Variants in HS6ST3 observed in about 807,000 individuals in gnomAD.
The protein encoded by HS6ST3 is heparan-sulfate 6-O-sulfotransferase 3.
Under a neutral mutation model 36.7 loss-of-function variants are expected in HS6ST3, and 12 were observed. The observed-to-expected ratio is 0.33, with a 90% confidence interval of 0.21 to 0.53. The LOEUF (loss-of-function observed/expected upper bound fraction) is 0.53, where lower values mean the gene tolerates loss of function less well. Among genes scored for constraint, HS6ST3 ranks in the 20% least tolerant of loss-of-function variants. The probability of loss-of-function intolerance (pLI) is 0.95; values close to 1 mark genes in which losing one functional copy is unlikely to be tolerated. For synonymous variants in HS6ST3, 240 were observed against 257.5 expected, an observed-to-expected ratio of 0.93 and a Z score of 0.65; for missense variants, 584 against 640.9, an observed-to-expected ratio of 0.91 and a Z score of 0.96.
intron 1 of HS6ST3, among the ~76,000 whole-genome samples, chr13:96,731,978 T>TA (rs1329513082): frequency 6.6e-6 from 1 of 152,174 alleles, no homozygotes; most frequent in East Asian, 1.9e-4. Context: ...TTTGAAAAAC[T>TA]TCCATACTGC....
At chr13:96,491,379 G>A (rs1475032074) in intron 1 of HS6ST3, among the ~76,000 whole-genome samples, 2 of 151,618 alleles carry the variant, frequency 1.3e-5, no homozygotes, top group Non-Finnish European at 2.9e-5. Flanking sequence ...TAAAAGAGCA[G>A]GGAAAGTGAG....
At chr13:96,512,668 A>C (rs538700945) in intron 1 of HS6ST3, among the ~76,000 whole-genome samples, 2 of 152,194 alleles carry the variant, frequency 1.3e-5, no homozygotes, top group South Asian at 2.1e-4. Flanking sequence ...GTGGTTTATT[A>C]GTTATTTTTT....
At chr13:96,500,055 A>G (rs545996023) in intron 1 of HS6ST3, among the ~76,000 whole-genome samples, 2 of 152,240 alleles carry the variant, frequency 1.3e-5, no homozygotes, top group South Asian at 4.1e-4. Flanking sequence ...TGCACAAAGG[A>G]GCCGTATACT....
intron 1 of HS6ST3, among the ~76,000 whole-genome samples, chr13:96,600,390 CT>C (rs2056417267): frequency 6.6e-6 from 1 of 150,894 alleles, no homozygotes; most frequent in East Asian, 2.0e-4. Context: ...GCTATATCTT[CT>C]TGTTGAATTG....
intron 1 of HS6ST3, among the ~76,000 whole-genome samples, chr13:96,359,169 C>T (rs181340656): frequency 5.8e-4 from 89 of 152,200 alleles, no homozygotes; most frequent in Middle Eastern, 3.4e-3. Flanking sequence ...AGGCCTAACT[C>T]GGCAAGATGA....
chr13:96,621,055 C>G (rs1258816239), intron 1 of HS6ST3, among the ~76,000 whole-genome samples: 1 of 152,150 alleles, frequency 6.6e-6, no homozygotes, highest in Non-Finnish European at 1.5e-5. Flanking sequence ...TTCCTGGGAG[C>G]CGCAAGGGCT....
At chr13:96,094,913 T>C (rs2053782506) in intron 1 of HS6ST3, among the ~76,000 whole-genome samples, 1 of 152,222 alleles carries the variant, frequency 6.6e-6, no homozygotes, top group African/African-American at 2.4e-5. Flanking sequence ...CCATTCTTTC[T>C]CACTCTCTTT....
intron 1 of HS6ST3, among the ~76,000 whole-genome samples, chr13:96,595,873 A>T (rs1566406928): frequency 6.7e-6 from 1 of 150,242 alleles, no homozygotes; most frequent in Non-Finnish European, 1.5e-5. Flanking sequence ...TGTTTGATTT[A>T]AAAAAAATTC....
intron 1 of HS6ST3, among the ~76,000 whole-genome samples, chr13:96,144,321 T>C (rs1490420545): frequency 1.3e-5 from 2 of 152,182 alleles, no homozygotes; most frequent in African/African-American, 4.8e-5. Context: ...AAAAAATAGT[T>C]ATTAGAAATG....
At chr13:96,567,298 T>G (rs753055852) in intron 1 of HS6ST3, among the ~76,000 whole-genome samples, 2 of 152,180 alleles carry the variant, frequency 1.3e-5, no homozygotes, top group Non-Finnish European at 2.9e-5. Context: ...ATCACATCAC[T>G]GTAACATTCC....
chr13:96,199,205 GATTT>G (rs2054329468), intron 1 of HS6ST3, among the ~76,000 whole-genome samples: 2 of 152,208 alleles, frequency 1.3e-5, no homozygotes, highest in Non-Finnish European at 2.9e-5. Context: ...TTCAAGTTGA[GATTT>G]GAGTGGGGAC....
At chr13:96,367,163 C>T (rs772567892) in intron 1 of HS6ST3, among the ~76,000 whole-genome samples, 4 of 152,052 alleles carry the variant, frequency 2.6e-5, no homozygotes, top group Admixed American at 6.6e-5. Flanking sequence ...TCTTGTATAA[C>T]GGAAGATGCC....
chr13:96,107,648 G>A (rs189768260), intron 1 of HS6ST3, among the ~76,000 whole-genome samples: 1 of 152,240 alleles, frequency 6.6e-6, no homozygotes, highest in East Asian at 1.9e-4. Flanking sequence ...AGGAAGTCAG[G>A]GACCCCAAAT....
At chr13:96,464,694 C>T (rs545198277) in intron 1 of HS6ST3, among the ~76,000 whole-genome samples, 1 of 152,156 alleles carries the variant, frequency 6.6e-6, no homozygotes, top group Non-Finnish European at 1.5e-5. Context: ...AGAATTTGAT[C>T]ACCTACTGGA....
chr13:96,738,251 T>A (rs1259546956), intron 1 of HS6ST3, among the ~76,000 whole-genome samples: 1 of 152,226 alleles, frequency 6.6e-6, no homozygotes, highest in Admixed American at 6.5e-5. Context: ...TGCATGGCCA[T>A]TTGGATTGTC....
chr13:96,347,486 T>C (rs912383931), intron 1 of HS6ST3, among the ~76,000 whole-genome samples: 6 of 152,230 alleles, frequency 3.9e-5, no homozygotes, highest in African/African-American at 1.4e-4. Flanking sequence ...CGCCCTTGTG[T>C]GCTTATTCCA....
At chr13:96,583,506 A>G (rs2138970538) in intron 1 of HS6ST3, among the ~76,000 whole-genome samples, 1 of 151,848 alleles carries the variant, frequency 6.6e-6, no homozygotes, top group East Asian at 1.9e-4. Flanking sequence ...GCACCCGCCC[A>G]ATGGCTTCAC....
intron 1 of HS6ST3, among the ~76,000 whole-genome samples, chr13:96,179,891 A>G (rs1347837279): frequency 2.6e-5 from 4 of 152,084 alleles, no homozygotes; most frequent in Non-Finnish European, 4.4e-5. Flanking sequence ...GTGCAGTGGC[A>G]GGATCTTGGC....
intron 1 of HS6ST3, among the ~76,000 whole-genome samples, chr13:96,232,129 G>A (rs926751748): frequency 2.0e-5 from 3 of 152,172 alleles, no homozygotes; most frequent in Admixed American, 1.3e-4. Context: ...GTGCAAGAGT[G>A]AGAAAACTGG....
Sources: gnomAD v4.1 joint callset for allele counts (sites outside exome capture counted in the v4.1 genomes callset) on GRCh38, gnomAD v4.1.1 for gene constraint, MANE v1.5 for transcripts, NCBI Gene and HGNC (gene_info 2026-07-23, HGNC 2026-07-21) for gene names.